IDE: variants seen among roughly 807,000 people sequenced by gnomAD.
IDE encodes the protein insulin-degrading enzyme.
A neutral mutation model predicts 133.2 loss-of-function variants in IDE; 58 were observed. The observed-to-expected ratio is 0.44, with a 90% confidence interval of 0.35 to 0.54. IDE has a LOEUF of 0.54. IDE is among the 20% of genes least tolerant of loss of function. IDE has a pLI of 0.00. For missense variants in IDE, 981 were observed against 1,234.0 expected (o/e 0.79, Z 3.07); for synonymous variants, 396 against 421.3 (o/e 0.94, Z 0.73).
chr10:92,460,343 T>G (rs1845307763), intron 22 of IDE, among the ~76,000 whole-genome samples: 1 of 152,182 alleles, frequency 6.6e-6, no homozygotes, highest in African/African-American at 2.4e-5. Context: ...GCTTGGAAAA[T>G]AATCTGATTC....
intron 13 of IDE, among the ~76,000 whole-genome samples, chr10:92,484,106 G>A (rs1846798731): frequency 6.6e-6 from 1 of 152,046 alleles, no homozygotes; most frequent in Non-Finnish European, 1.5e-5. Flanking sequence ...CTGGATTCCT[G>A]ACCCTCCTCA....
rs199995277 is a variant in IDE at position 92,547,562 on chromosome 10, A to G, written c.99-10012T>C. On this transcript the variant is annotated intron_variant, in intron 1 of 24. Coordinates refer to ENST00000265986, the MANE Select transcript of IDE (RefSeq NM_004969.4). ...AAATATTTGCATTACATTTACCGAT[A>G]GAGCATCTACTTTGAGCATCATGTT... is the stretch of plus-strand genomic sequence containing the variant. Among the ~76,000 whole-genome samples, 5 of 152,332 alleles carry G rather than the reference A, an allele frequency of 3.3e-5. No individual in the cohort carries two copies. In the East Asian group the frequency reaches 9.7e-4, roughly 29 times the overall value.
At position 92,490,341 on chromosome 10, in the gene IDE, T is replaced by G. The variant is rs1046388295; in HGVS notation, c.1533+152A>C. 6 of 640,286 alleles carry G rather than the reference T, an allele frequency of 9.4e-6. No homozygotes were observed. In the African/African-American group the frequency reaches 1.1e-4, roughly 12 times the overall value. 39.7% of individuals were successfully genotyped at this position (640,286 alleles called of 1,614,324 possible). Reference sequence around the variant, plus strand: ...CTTCATGAAAAGGCTAAACTCCAGCTCCCTATCTACTTGTTGATTTCTCTT... The same window carrying G: ...CTTCATGAAAAGGCTAAACTCCAGCGCCCTATCTACTTGTTGATTTCTCTT... On this transcript the variant is annotated intron_variant, in intron 12 of 24. Transcript: ENST00000265986.
Position 92,487,158 on chromosome 10 carries a change from GT to G in IDE, c.1656+37del. The G allele has an allele frequency of 2.5e-6, 4 of 1,590,568 alleles. No individual in the cohort carries two copies. The East Asian group carries it at 6.7e-5, about 27-fold the overall frequency. On this transcript the variant is annotated intron_variant, in intron 13 of 24. Coordinates refer to ENST00000265986, the MANE Select transcript of IDE (RefSeq NM_004969.4). ...ACCCAGTCCCCCATGTATTAGGTCT[GT>G]CCCCCAAATTTAAAATCACTGATTC...
chr10:92,551,333 G>C (rs1842768073), intron 1 of IDE, among the ~76,000 whole-genome samples: 1 of 152,254 alleles, frequency 6.6e-6, no homozygotes, highest in South Asian at 2.1e-4. Context: ...ACTTTGGGAG[G>C]CTAAGGCAGG....
At chr10:92,510,849 G>A (rs897940033) in intron 5 of IDE, among the ~76,000 whole-genome samples, 3 of 149,910 alleles carry the variant, frequency 2.0e-5, no homozygotes, top group Non-Finnish European at 3.0e-5. Context: ...TCACACATAT[G>A]ATATATATCA....
intron 4 of IDE, among the ~76,000 whole-genome samples, chr10:92,524,345 TATATA>T (rs1372812452): frequency 9.9e-5 from 4 of 40,376 alleles, no homozygotes; most frequent in South Asian, 7.7e-4. Context: ...TATTATATTA[TATATA>T]ATATATTTTA....
chr10:92,535,437 G>C (rs1250190708), intron 2 of IDE, among the ~76,000 whole-genome samples: 1 of 151,854 alleles, frequency 6.6e-6, no homozygotes, highest in African/African-American at 2.4e-5. Flanking sequence ...TTTCATTGCA[G>C]GAGACTATAC....
intron 1 of IDE, among the ~76,000 whole-genome samples, chr10:92,547,097 T>G (rs751725373): frequency 1.3e-5 from 2 of 152,182 alleles, no homozygotes; most frequent in Non-Finnish European, 2.9e-5. Context: ...TCTTCTTTTT[T>G]GTAAGATAGG....
rs146921312 is a variant in IDE, at chr10:92,569,831, C to A, written c.98+4091G>T. Among the ~76,000 whole-genome samples, 466 of 152,220 alleles carry A rather than the reference C, an allele frequency of 3.1e-3. 2 individuals are homozygous for A. Among genetic ancestry groups the A allele is most frequent in the Non-Finnish European group, 5.0e-3 (338 of 68,018 alleles). The stretch of plus-strand genomic sequence containing the variant: ...TGAGTCCTACTTTAAAAAGTTATTC[C>A]GAGCGCAGTGGCTCACGCCTGTAAT... On this transcript the variant is annotated intron_variant, in intron 1 of 24. Coordinates refer to ENST00000265986, the MANE Select transcript of IDE (RefSeq NM_004969.4).
At chr10:92,475,331 T>C (rs1846196583) in intron 16 of IDE, among the ~76,000 whole-genome samples, 1 of 152,162 alleles carries the variant, frequency 6.6e-6, no homozygotes, top group Non-Finnish European at 1.5e-5. Flanking sequence ...CATAAATAGG[T>C]AGCCATATAA....
chr10:92,492,722 T>C (rs1847434454), intron 11 of IDE, among the ~76,000 whole-genome samples: 1 of 152,176 alleles, frequency 6.6e-6, no homozygotes, highest in African/African-American at 2.4e-5. Context: ...AGCCTAGTAC[T>C]TGCAATCAAA....
At position 92,483,423 on chromosome 10, in the gene IDE, A is replaced by G. The variant is rs1423523179; in HGVS notation, c.1657-86T>C. ...CAAATCACTCTTCAAGAGGAGGAGG[A>G]CAGAAGCAATAGTTAGAGTTTTGTT... On this transcript the variant is annotated intron_variant, in intron 13 of 24. Coordinates refer to ENST00000265986, the MANE Select transcript of IDE (RefSeq NM_004969.4). 10 of 742,862 alleles carry G rather than the reference A, an allele frequency of 1.3e-5. No individual in the cohort carries two copies. In the Admixed American group the frequency reaches 2.2e-4, roughly 16 times the overall value. 46.0% of individuals were successfully genotyped at this position (742,862 alleles called of 1,614,324 possible).
chr10:92,573,225 C>T (rs932545942), intron 1 of IDE: 6 of 972,572 alleles, frequency 6.2e-6, no homozygotes, highest in East Asian at 1.1e-4. Flanking sequence ...AACCTGTGTC[C>T]TAATCCTGGT....
chr10:92,461,985 T>G (rs1299785115), intron 21 of IDE, among the ~76,000 whole-genome samples: 1 of 147,964 alleles, frequency 6.8e-6, no homozygotes, highest in Non-Finnish European at 1.5e-5. Context: ...AGCATCCACA[T>G]TTTTACGTGA....
intron 19 of IDE, among the ~76,000 whole-genome samples, chr10:92,468,117 T>C (rs1845785768): frequency 6.6e-6 from 1 of 152,052 alleles, no homozygotes; most frequent in African/African-American, 2.4e-5. Flanking sequence ...AAGTAGCTTA[T>C]AAAATAGGCC....
chr10:92,529,265 A>G (rs1849787343), intron 4 of IDE, among the ~76,000 whole-genome samples: 1 of 152,202 alleles, frequency 6.6e-6, no homozygotes, highest in African/African-American at 2.4e-5. Context: ...AGGGCATACA[A>G]CTGTCATCAA....
intron 22 of IDE, among the ~76,000 whole-genome samples, chr10:92,458,735 C>T (rs1269591368): frequency 7.9e-5 from 12 of 151,844 alleles, no homozygotes; most frequent in African/African-American, 1.2e-4. Flanking sequence ...CTCCTGACCT[C>T]GTGATCTGCC....
At chr10:92,567,198 G>A (rs1311076722) in intron 1 of IDE, among the ~76,000 whole-genome samples, 2 of 152,074 alleles carry the variant, frequency 1.3e-5, no homozygotes, top group Admixed American at 6.6e-5. Context: ...TCGTTCTCTT[G>A]GTATGCCTTT....
Sources: gnomAD v4.1 joint callset for allele counts (sites outside exome capture counted in the v4.1 genomes callset) on GRCh38, gnomAD v4.1.1 for gene constraint, MANE v1.5 for transcripts, NCBI Gene and HGNC (gene_info 2026-07-23, HGNC 2026-07-21) for gene names.